Variants in CNTNAP4 observed in about 807,000 individuals in gnomAD.
CNTNAP4 encodes contactin associated protein family member 4.
CNTNAP4 carries 98 observed loss-of-function variants against 148.4 expected under a neutral mutation model. The ratio of observed to expected loss-of-function variants is 0.66; its 90% confidence interval spans 0.56 to 0.78. The LOEUF (loss-of-function observed/expected upper bound fraction) is 0.78. Ranked by LOEUF, CNTNAP4 falls within the 30% of genes least tolerant of loss-of-function variation. The probability of loss-of-function intolerance (pLI) is 0.00; values close to 1 mark genes in which losing one functional copy is unlikely to be tolerated. For synonymous variants in CNTNAP4, 730 were observed against 565.1 expected (o/e 1.29, Z -4.14); for missense variants, 1,935 against 1,565.6 (o/e 1.24, Z -3.98).
At chr16:76,299,609 T>A (rs994609742) in intron 1 of CNTNAP4, among the ~76,000 whole-genome samples, 3 of 152,078 alleles carry the variant, frequency 2.0e-5, no homozygotes, top group Non-Finnish European at 4.4e-5. Context: ...GATCTAGAAC[T>A]AGAAATACCA....
At chr16:76,534,046 T>A (rs537961316) in intron 17 of CNTNAP4, among the ~76,000 whole-genome samples, 4 of 152,342 alleles carry the variant, frequency 2.6e-5, no homozygotes, top group African/African-American at 9.6e-5. Flanking sequence ...TTTCATTATT[T>A]GCAAAGAGAT....
chr16:76,420,960 A>G (rs1406250497), intron 3 of CNTNAP4, among the ~76,000 whole-genome samples: 1 of 152,046 alleles, frequency 6.6e-6, no homozygotes, highest in Non-Finnish European at 1.5e-5. Flanking sequence ...AAAATCGTAC[A>G]TATCATATCC....
At chr16:76,433,819 T>G (rs1597520882) in intron 4 of CNTNAP4, among the ~76,000 whole-genome samples, 1 of 152,256 alleles carries the variant, frequency 6.6e-6, no homozygotes, top group East Asian at 1.9e-4. Flanking sequence ...ATTAGATAGT[T>G]CTTACACTCA....
chr16:76,300,026 G>A (rs530152029), intron 1 of CNTNAP4, among the ~76,000 whole-genome samples: 74 of 152,168 alleles, frequency 4.9e-4, no homozygotes, highest in African/African-American at 1.7e-3. Context: ...GATAGCATTA[G>A]GAGATATGCC....
chr16:76,316,330 T>G (rs1230469069), intron 1 of CNTNAP4, 83 bp from the exon 2 acceptor site: 1 of 841,502 alleles, frequency 1.2e-6, no homozygotes, highest in Admixed American at 2.0e-5. Flanking sequence ...TGTTGTTGTT[T>G]TACTTGTTGG....
intron 19 of CNTNAP4, 75 bp downstream of exon 19, chr16:76,538,415 G>T: frequency 8.8e-7 from 1 of 1,139,106 alleles, no homozygotes. Flanking sequence ...TCATTCTCGT[G>T]TTCTGGCTTC....
In CNTNAP4 at chr16:76,533,112, T is replaced by TA. The variant is rs373956611; in HGVS notation, c.2756-2424dup. Among the ~76,000 whole-genome samples the TA allele has an allele frequency of 1.7e-3, 261 of 150,062 alleles. 1 individual carries two copies. Among genetic ancestry groups the TA allele is most frequent in the Non-Finnish European group, 3.0e-3 (204 of 67,362 alleles). On this transcript the variant is annotated intron_variant, in intron 17 of 23. Transcript: ENST00000611870. ...AGTTGTCCAATAACAAATGAATCGA[T>TA]AAAAAAAAAGTGGTGTATATATGTA...
chr16:76,299,882 A>G (rs9924719), intron 1 of CNTNAP4, among the ~76,000 whole-genome samples: 3,690 of 152,222 alleles, frequency 0.024, 146 homozygotes, highest in African/African-American at 0.083. Context: ...ATTATCAGCA[A>G]ACTATCACAA....
At chr16:76,550,550 C>T (rs1278638227) in intron 21 of CNTNAP4, among the ~76,000 whole-genome samples, 3 of 151,826 alleles carry the variant, frequency 2.0e-5, no homozygotes, top group African/African-American at 7.3e-5. Context: ...TTTTAAAGGC[C>T]TATGGAAATT....
intron 4 of CNTNAP4, among the ~76,000 whole-genome samples, chr16:76,430,756 G>C (rs538421409): frequency 2.0e-5 from 3 of 152,086 alleles, no homozygotes; most frequent in African/African-American, 7.2e-5. Flanking sequence ...AGCACACCTC[G>C]CAGACTGCTT....
chr16:76,342,848 A>G (rs916840202), intron 2 of CNTNAP4, among the ~76,000 whole-genome samples: 29 of 152,242 alleles, frequency 1.9e-4, no homozygotes, highest in African/African-American at 6.8e-4. Context: ...AAACAGATAT[A>G]ATAAAAGCAA....
At chr16:76,475,485 G>A (rs567539160) in intron 10 of CNTNAP4, among the ~76,000 whole-genome samples, 2 of 152,288 alleles carry the variant, frequency 1.3e-5, no homozygotes, top group South Asian at 2.1e-4. Flanking sequence ...AGCCTATACT[G>A]TGTATTCTCC....
rs150317795 is a variant in CNTNAP4 at position 76,377,429 on chromosome 16, G to A, written c.390+21918G>A. ...AAAAATGGAATGATGGAAGAGAGTC[G>A]GAAAGATTCAGTGGTCTATGGTGGA... On this transcript the variant is annotated intron_variant, in intron 3 of 23. Transcript: ENST00000611870. Among the ~76,000 whole-genome samples the A allele has an allele frequency of 2.2e-3, 332 of 152,156 alleles. 2 individuals carry two copies. The highest frequency in any genetic ancestry group is 7.0e-3 in the African/African-American group (292 of 41,500).
chr16:76,436,989 C>CTATCTATCTATCTATCTATCTATCTATT lies in CNTNAP4; in HGVS notation c.538+9396_538+9397insTCTATCTATCTATCTATCTATTTATCTA, dbSNP rs144797032. On this transcript the variant is annotated intron_variant, in intron 4 of 23. Coordinates refer to ENST00000611870, the MANE Select transcript of CNTNAP4 (RefSeq NM_033401.5). The stretch of plus-strand genomic sequence containing the variant: ...TCTATCTATCTATCTATCTATCTGT[C>CTATCTATCTATCTATCTATCTATCTATT]TATCTAGGAGTTTATTAAGGAGTAT... Among the ~76,000 whole-genome samples the CTATCTATCTATCTATCTATCTATCTATT allele has an allele frequency of 8.6e-5, 13 of 151,412 alleles. No homozygotes were observed. In the South Asian group the frequency reaches 1.9e-3, roughly 22 times the overall value.
intron 8 of CNTNAP4, 135 bp downstream of exon 8, chr16:76,452,904 A>G: frequency 1.2e-6 from 1 of 815,508 alleles, no homozygotes; most frequent in Non-Finnish European, 1.8e-6. Flanking sequence ...GATTATAAGT[A>G]CTCTTCCTTA....
chr16:76,329,161 A>G (rs1014760424), intron 2 of CNTNAP4, among the ~76,000 whole-genome samples: 1 of 152,244 alleles, frequency 6.6e-6, no homozygotes, highest in Non-Finnish European at 1.5e-5. Context: ...CTCATTTGAG[A>G]AGGAGGGAAA....
intron 9 of CNTNAP4, among the ~76,000 whole-genome samples, chr16:76,462,461 T>G (rs1200222938): frequency 6.6e-6 from 1 of 152,204 alleles, no homozygotes; most frequent in East Asian, 1.9e-4. Flanking sequence ...GATTATGCCC[T>G]TAGCTCCTTC....
chr16:76,520,203 C>G (rs1489843352), intron 15 of CNTNAP4, among the ~76,000 whole-genome samples: 3 of 150,712 alleles, frequency 2.0e-5, no homozygotes, highest in Non-Finnish European at 4.4e-5. Context: ...TCTGATTTTA[C>G]TCCTCATCAA....
At chr16:76,424,023 C>T (rs2079286614) in intron 3 of CNTNAP4, among the ~76,000 whole-genome samples, 1 of 152,084 alleles carries the variant, frequency 6.6e-6, no homozygotes, top group African/African-American at 2.4e-5. Flanking sequence ...ATTTTCCTTA[C>T]CCTCCATAAG....
Sources: gnomAD v4.1 joint callset for allele counts (sites outside exome capture counted in the v4.1 genomes callset) on GRCh38, gnomAD v4.1.1 for gene constraint, MANE v1.5 for transcripts, NCBI Gene and HGNC (gene_info 2026-07-23, HGNC 2026-07-21) for gene names.